The following ALOX12B variants were observed in gnomAD, a reference collection of about 807,000 sequenced individuals.
ALOX12B encodes the protein arachidonate 12-lipoxygenase, 12R type, also known as arachidonate 12-lipoxygenase, 12R-type.
ALOX12B carries 47 observed loss-of-function variants against 78.9 expected under a neutral mutation model. The observed-to-expected ratio is 0.60, with a 90% CI of 0.47 to 0.76. The LOEUF is 0.76. Ranked by LOEUF, ALOX12B falls within the 30% of genes least tolerant of loss-of-function variation. ALOX12B has a pLI of 0.00. For synonymous variants in ALOX12B, 370 were observed against 374.5 expected (o/e 0.99, Z 0.14); for missense variants, 805 against 922.6 (o/e 0.87, Z 1.65).
At chr17:8,077,306 C>A in intron 8 of ALOX12B, 113 bp from the exon 9 acceptor site, 1 of 1,101,914 alleles carries the variant, frequency 9.1e-7, no homozygotes. Flanking sequence ...CACTCCTAAG[C>A]TCCGGTCCCA....
chr17:8,075,567 CT>C lies in ALOX12B; in HGVS notation c.1654+27del, dbSNP rs778741301. ...GGCTGCCCCTCAGTCCCAGCTCCCC[CT>C]GATTGCCCAGGTGTCCAGGCCCATA... On this transcript the variant is annotated intron_variant, in intron 12 of 14. Transcript: ENST00000647874. 4 of 1,613,710 alleles carry C rather than the reference CT, an allele frequency of 2.5e-6. No individual in the cohort carries two copies. In the South Asian group the frequency reaches 3.3e-5, roughly 13 times the overall value.
In ALOX12B at chr17:8,087,574, TGAGGTGGC is replaced by T; in HGVS notation, c.-140_-133del. On this transcript the variant is annotated 5_prime_UTR_variant, in exon 1 of 15. Coordinates refer to ENST00000647874, the MANE Select transcript of ALOX12B (RefSeq NM_001139.3). ...AGGGCTGGCCTCCGAGGTGCAGTGG[TGAGGTGGC>T]GAGGTGGGGTGACTAGGCCTGCCAG... The T allele has an allele frequency of 6.8e-7, 1 of 1,470,516 alleles. No homozygotes were observed. Among genetic ancestry groups the T allele is most frequent in the Non-Finnish European group, 9.3e-7 (1 of 1,074,196 alleles). The allele number at this position is 1,470,516 out of a possible 1,614,324, so 91.1% of individuals were successfully genotyped here.
In ALOX12B at chr17:8,080,090, G is replaced by T. The variant is rs775112754; in HGVS notation, c.754+145C>A. On this transcript the variant is annotated intron_variant, in intron 6 of 14. Transcript: ENST00000647874. This position sits in a 1 kb window ranked among gnomAD's most constrained non-coding sequence, Gnocchi z 4.8. ...GGCGCTGAGCGGCCGGAGGAGCCCG[G>T]TGCGACATTTTCCAAGAAGCCGCCA... The T allele has an allele frequency of 4.1e-6, 6 of 1,478,690 alleles. No homozygotes were observed. Among genetic ancestry groups the T allele is most frequent in the Non-Finnish European group, 5.6e-6 (6 of 1,063,994 alleles). 91.6% of individuals were successfully genotyped at this position (1,478,690 alleles called of 1,614,324 possible). A position where few individuals can be genotyped will look rare whatever the true frequency, so the allele number is the denominator to read the frequency against.
intron 11 of ALOX12B, 91 bp downstream of exon 11, chr17:8,076,084 C>T (rs1013423712): frequency 1.3e-6 from 2 of 1,549,864 alleles, no homozygotes; most frequent in Admixed American, 3.4e-5. Flanking sequence ...TGACACCAGA[C>T]CCACACTCAG....
In ALOX12B at chr17:8,079,364, C is replaced by T; in HGVS notation, c.1071+32G>A. The T allele has an allele frequency of 3.2e-6, 5 of 1,550,360 alleles. No homozygotes were observed. Among genetic ancestry groups the T allele is most frequent in the Non-Finnish European group, 3.5e-6 (4 of 1,147,360 alleles). On this transcript the variant is annotated intron_variant, in intron 8 of 14. Transcript: ENST00000647874. The surrounding 1 kb of genome is among the most constrained non-coding windows in gnomAD (Gnocchi z 6.4). ...GGAGGAGCATTCGCGCACACAGAGG[C>T]TCAGCGGCAGCGCCGCCTGCAGCCC... is the stretch of plus-strand genomic sequence containing the variant.
rs879855250 is a variant in ALOX12B at position 8,076,804 on chromosome 17, C to T, written c.1276-61G>A. On this transcript the variant is annotated intron_variant, in intron 9 of 14. Coordinates refer to ENST00000647874, the MANE Select transcript of ALOX12B (RefSeq NM_001139.3). ...TGAAGTGGCCCCCAAAGGAGCTCAG[C>T]TCCCCATTTCTGTAACGTCAGATCT... 1.2e-5 allele frequency: 18 copies of T among 1,507,546 alleles called. No individual in the cohort carries two copies. The Admixed American group carries it at 3.3e-4, about 28-fold the overall frequency. 93.4% of individuals were successfully genotyped at this position (1,507,546 alleles called of 1,614,324 possible). A position where few individuals can be genotyped will look rare whatever the true frequency, so the allele number is the denominator to read the frequency against.
rs1348161356 is a variant in ALOX12B, at chr17:8,081,336, C to A, written c.353-149G>T. On this transcript the variant is annotated intron_variant, in intron 2 of 14. Coordinates refer to ENST00000647874, the MANE Select transcript of ALOX12B (RefSeq NM_001139.3). The stretch of plus-strand genomic sequence containing the variant: ...GGCTCACCTTGGGAGAGTGAAGGTG[C>A]GTCCTGTCCGGAAATATCAGATAAA... 4.0e-6 allele frequency: 3 copies of A among 746,450 alleles called. No individual in the cohort carries two copies. In the East Asian group the frequency reaches 8.0e-5, roughly 20 times the overall value. 46.2% of individuals were successfully genotyped at this position (746,450 alleles called of 1,614,324 possible). A position where few individuals can be genotyped will look rare whatever the true frequency, so the allele number is the denominator to read the frequency against.
At position 8,083,751 on chromosome 17, in the gene ALOX12B, C is replaced by CAA. The variant is rs35241692; in HGVS notation, c.352+2263_352+2264dup. Among the ~76,000 whole-genome samples the CAA allele has an allele frequency of 3.6e-4, 54 of 150,234 alleles. No homozygotes were observed. In the East Asian group the frequency reaches 4.5e-3, roughly 13 times the overall value. On this transcript the variant is annotated intron_variant, in intron 2 of 14. Transcript: ENST00000647874. ...CTCAAAAGAAAAAACAAAAACAAAACAAAAAAAAACAACTCCGTTCAGATG... is the reference window on the plus strand; with the variant it reads ...CTCAAAAGAAAAAACAAAAACAAAACAAAAAAAAAAACAACTCCGTTCAGATG...
At chr17:8,085,842 C>T (rs571683055) in intron 2 of ALOX12B, among the ~76,000 whole-genome samples, 174 bp downstream of exon 2, 1 of 152,306 alleles carries the variant, frequency 6.6e-6, no homozygotes, top group South Asian at 2.1e-4. Context: ...AAGCTGAGCT[C>T]AGGGCAGCAG....
chr17:8,081,315 C>T, intron 2 of ALOX12B, 128 bp from the exon 3 acceptor site: 3 of 892,786 alleles, frequency 3.4e-6, no homozygotes, highest in South Asian at 1.4e-5. Context: ...TGGGAAGGCT[C>T]ACCTTGGGAG....
Position 8,079,652 on chromosome 17 carries a change from G to A in ALOX12B, c.928-113C>T. 1 of 1,533,510 alleles carries A rather than the reference G, an allele frequency of 6.5e-7. No homozygotes were observed. Among genetic ancestry groups the A allele is most frequent in the Non-Finnish European group, 8.8e-7 (1 of 1,136,270 alleles). 95.0% of individuals were successfully genotyped at this position (1,533,510 alleles called of 1,614,324 possible). A position where few individuals can be genotyped will look rare whatever the true frequency, so the allele number is the denominator to read the frequency against. On this transcript the variant is annotated intron_variant, in intron 7 of 14. Transcript: ENST00000647874. This position sits in a 1 kb window ranked among gnomAD's most constrained non-coding sequence, Gnocchi z 6.4. ...AGGGGCAGGGGTGGGACGGGGACAG[G>A]GACGCGGGGTGCGGGCTTGCCTGGG...
intron 11 of ALOX12B, among the ~76,000 whole-genome samples, chr17:8,075,918 G>A (rs537128768): frequency 6.6e-6 from 1 of 152,308 alleles, no homozygotes; most frequent in East Asian, 1.9e-4. Context: ...CCTTATAAGG[G>A]ATGGGCAAGG....
At chr17:8,078,030 T>C (rs1977123453) in intron 8 of ALOX12B, among the ~76,000 whole-genome samples, 1 of 152,196 alleles carries the variant, frequency 6.6e-6, no homozygotes, top group Non-Finnish European at 1.5e-5. Context: ...CCCTAAACAA[T>C]ACAGTGTAAC....
Position 8,073,725 on chromosome 17 carries a change from G to A in ALOX12B, c.1687C>T (p.Leu563=), listed in dbSNP as rs533761499. The change falls in exon 13 of 15, where the codon CTG becomes TTG. Residue 563 remains leucine, a synonymous_variant. Coordinates refer to ENST00000647874, the MANE Select transcript of ALOX12B (RefSeq NM_001139.3). Reference sequence around the variant, plus strand: ...ATGACTATAGTGACATATCGGATCAGCTCAGGCACGGTTCGCAAGCACCTA... The same window carrying A: ...ATGACTATAGTGACATATCGGATCAACTCAGGCACGGTTCGCAAGCACCTA... ...FPRCLRTVPE[L]IRYVTIVIYT... 3.7e-6 allele frequency: 6 copies of A among 1,613,806 alleles called. No homozygotes were observed. In the South Asian group the frequency reaches 4.4e-5, roughly 12 times the overall value.
chr17:8,082,737 A>G (rs1977242434), intron 2 of ALOX12B, among the ~76,000 whole-genome samples: 1 of 152,080 alleles, frequency 6.6e-6, no homozygotes, highest in Admixed American at 6.6e-5. Context: ...CCATTTTGCA[A>G]CTGCCTCCCT....
chr17:8,080,982 A>G lies in ALOX12B; in HGVS notation c.435-6T>C, dbSNP rs1977205178. 6.2e-7 allele frequency: 1 copy of G among 1,613,942 alleles called. No individual in the cohort carries two copies. Among genetic ancestry groups the G allele is most frequent in the South Asian group, 1.1e-5 (1 of 91,084 alleles). ...CAGGAAGAAAGACTCGCCAGCTGCA[A>G]GGGAAACCGAGATGTCACCCTCATG... On this transcript the variant is annotated splice_region_variant and splice_polypyrimidine_tract_variant and intron_variant, in intron 3 of 14. Transcript: ENST00000647874. The surrounding 1 kb of genome is among the most constrained non-coding windows in gnomAD (Gnocchi z 4.8).
At position 8,076,299 on chromosome 17, in the gene ALOX12B, C is replaced by CCCGT. The variant is rs1409962567; in HGVS notation, c.1404_1407dup (p.Ala470ThrfsTer9). On this transcript the variant is annotated frameshift_variant, in exon 11 of 15. Coordinates refer to ENST00000647874, the MANE Select transcript of ALOX12B (RefSeq NM_001139.3). LOFTEE classifies it high-confidence loss of function. ...CTGTCATAGGTGAGCTCCGACAGAG[C>CCCGT]CCGTACCATCACCCCAGCAAAGCCT... The CCCGT allele has an allele frequency of 1.2e-6, 2 of 1,612,904 alleles. No homozygotes were observed. Among genetic ancestry groups the CCCGT allele is most frequent in the Non-Finnish European group, 1.7e-6 (2 of 1,179,482 alleles).
At position 8,073,308 on chromosome 17, in the gene ALOX12B, G is replaced by A. The variant is rs780198295; in HGVS notation, c.1766C>T (p.Thr589Ile). 1.2e-5 allele frequency: 20 copies of A among 1,614,082 alleles called. 1 individual carries two copies. In the South Asian group the frequency reaches 2.0e-4, roughly 16 times the overall value. ...AAVNTGQMEF[T>I]AWMPNFPASM... ...CGCTGGGAAGTTGGGCATCCAGGCG[G>A]TGAACTCCATCTGGAGGTGGGATAG... is the stretch of plus-strand genomic sequence containing the variant. Residue 589 changes from threonine (T) to isoleucine (I), a missense_variant, in exon 14 of 15, where the codon ACC becomes ATC. Coordinates refer to ENST00000647874, the MANE Select transcript of ALOX12B (RefSeq NM_001139.3).
Position 8,072,827 on chromosome 17 carries a change from G to C in ALOX12B, c.2050C>G (p.Pro684Ala). 2.5e-6 allele frequency: 4 copies of C among 1,614,232 alleles called. No homozygotes were observed. Among genetic ancestry groups the C allele is most frequent in the Non-Finnish European group, 3.4e-6 (4 of 1,180,040 alleles). The change falls in exon 15 of 15, where the codon CCC becomes GCC. Residue 684 changes from proline (P) to alanine (A), a missense_variant. Physicochemically the swap from Pro to Ala is conservative, Grantham distance 27. Coordinates refer to ENST00000647874, the MANE Select transcript of ALOX12B (RefSeq NM_001139.3). ...HDIRQRNKCLPIPYYYLDPVL... is the reference protein window; with the variant it reads ...HDIRQRNKCLAIPYYYLDPVL... Reference sequence around the variant, plus strand: ...GGGTCCAGGTAGTAGTAGGGGATGGGAAGGCACTTGTTGCGCTGGCGGATG... The same window carrying C: ...GGGTCCAGGTAGTAGTAGGGGATGGCAAGGCACTTGTTGCGCTGGCGGATG...
Sources: gnomAD v4.1 joint callset for allele counts (sites outside exome capture counted in the v4.1 genomes callset) on GRCh38, gnomAD v4.1.1 for gene constraint, Gnocchi (gnomAD v3.1) non-coding constraint, MANE v1.5 for transcripts, NCBI Gene and HGNC (gene_info 2026-07-23, HGNC 2026-07-21) for gene names.